The following MYO5B variants were observed in gnomAD, a reference collection of about 807,000 sequenced individuals.
The protein encoded by MYO5B is myosin VB, also known as unconventional myosin-Vb.
Under a neutral mutation model 229.3 loss-of-function variants are expected in MYO5B, and 143 were observed. That is an observed-to-expected ratio of 0.62 (90% CI 0.54 to 0.72). The LOEUF (loss-of-function observed/expected upper bound fraction) is 0.72. Among genes scored for constraint, MYO5B ranks in the 30% least tolerant of loss-of-function variants. MYO5B has a pLI of 0.00. For synonymous variants in MYO5B, 918 were observed against 885.2 expected (o/e 1.04, Z -0.66); for missense variants, 2,321 against 2,331.0 (o/e 1.00, Z 0.09).
intron 33 of MYO5B, 42 bp from the exon 34 acceptor site, chr18:49,843,434 G>C: frequency 1.2e-6 from 2 of 1,609,256 alleles, no homozygotes; most frequent in East Asian, 4.5e-5. Flanking sequence ...TAGATCTATG[G>C]GGGACAATGG....
At chr18:50,133,640 T>C (rs1383764239) in intron 1 of MYO5B, among the ~76,000 whole-genome samples, 1 of 152,194 alleles carries the variant, frequency 6.6e-6, no homozygotes, top group Admixed American at 6.5e-5. Flanking sequence ...TGTCCTGGTA[T>C]ATTACACTCC....
intron 4 of MYO5B, among the ~76,000 whole-genome samples, chr18:50,029,123 T>C (rs1429785899): frequency 5.3e-5 from 8 of 152,196 alleles, no homozygotes. Flanking sequence ...ACAATAAAAC[T>C]AGCAATTTGA....
At chr18:50,062,380 T>C (rs1029115739) in intron 1 of MYO5B, among the ~76,000 whole-genome samples, 4 of 152,100 alleles carry the variant, frequency 2.6e-5, no homozygotes, top group African/African-American at 9.7e-5. Flanking sequence ...ATTCCTGTGA[T>C]TAGGGGACCA....
intron 3 of MYO5B, among the ~76,000 whole-genome samples, chr18:50,038,590 G>A (rs752230361): frequency 1.3e-5 from 2 of 152,060 alleles, no homozygotes; most frequent in Non-Finnish European, 2.9e-5. Flanking sequence ...TCACATTTCC[G>A]TATCATACTC....
chr18:49,865,356 A>T (rs1196815163), intron 27 of MYO5B, among the ~76,000 whole-genome samples: 2 of 152,202 alleles, frequency 1.3e-5, no homozygotes, highest in Non-Finnish European at 2.9e-5. Flanking sequence ...GATTTCCAGA[A>T]GATTTAGAAC....
chr18:49,857,039 T>G, intron 29 of MYO5B, 149 bp from the exon 30 acceptor site: 1 of 709,266 alleles, frequency 1.4e-6, no homozygotes, highest in Non-Finnish European at 2.5e-6. Context: ...CTTCCTCCTC[T>G]CCTGTCACCT....
chr18:49,875,092 T>C (rs1311090498), intron 26 of MYO5B, among the ~76,000 whole-genome samples: 2 of 152,252 alleles, frequency 1.3e-5, no homozygotes. Flanking sequence ...ACTACGTGCC[T>C]GGCACTGGCA....
intron 1 of MYO5B, among the ~76,000 whole-genome samples, chr18:50,124,399 T>G (rs1429452661): frequency 6.6e-6 from 1 of 152,222 alleles, no homozygotes; most frequent in Non-Finnish European, 1.5e-5. Flanking sequence ...ATGCACATGG[T>G]CCCATCACTC....
At chr18:49,836,630 AACC>A in intron 38 of MYO5B, 78 bp downstream of exon 38, 4 of 1,529,210 alleles carry the variant, frequency 2.6e-6, no homozygotes, top group East Asian at 2.3e-5. Context: ...ACTAACAAAT[AACC>A]ACCAACGAGA....
intron 1 of MYO5B, among the ~76,000 whole-genome samples, chr18:50,145,358 G>C (rs1376434158): frequency 6.6e-6 from 1 of 151,640 alleles, no homozygotes; most frequent in Non-Finnish European, 1.5e-5. Context: ...GTGGTGGTGG[G>C]CACCAATAGT....
At chr18:50,077,502 A>AC (rs2031114450) in intron 1 of MYO5B, among the ~76,000 whole-genome samples, 13 of 133,516 alleles carry the variant, frequency 9.7e-5, no homozygotes, top group Non-Finnish European at 1.3e-4. Flanking sequence ...CACACACACA[A>AC]ACACACACAC....
intron 1 of MYO5B, among the ~76,000 whole-genome samples, chr18:50,156,352 C>T (rs776582293): frequency 4.6e-5 from 7 of 152,150 alleles, no homozygotes; most frequent in African/African-American, 2.4e-5. Flanking sequence ...CCCCGTGTTG[C>T]GGGAGGGACC....
At chr18:50,102,742 A>G (rs1341444314) in intron 1 of MYO5B, among the ~76,000 whole-genome samples, 1 of 151,632 alleles carries the variant, frequency 6.6e-6, no homozygotes, top group Non-Finnish European at 1.5e-5. Flanking sequence ...TTAAAAAAAA[A>G]AATCCCCAGT....
intron 2 of MYO5B, among the ~76,000 whole-genome samples, chr18:50,049,259 T>A (rs1042151028): frequency 6.6e-6 from 1 of 152,214 alleles, no homozygotes; most frequent in Admixed American, 6.5e-5. Context: ...ATAATCAGAC[T>A]CTGGCACATA....
At chr18:50,140,010 A>C (rs1356499362) in intron 1 of MYO5B, among the ~76,000 whole-genome samples, 1 of 145,136 alleles carries the variant, frequency 6.9e-6, no homozygotes, top group Admixed American at 6.7e-5. Context: ...TTAAAATTAC[A>C]AACAACCTAG....
chr18:49,908,245 T>A (rs771553676), intron 18 of MYO5B, among the ~76,000 whole-genome samples: 4 of 152,200 alleles, frequency 2.6e-5, no homozygotes, highest in African/African-American at 4.8e-5. Flanking sequence ...GAGACACCCA[T>A]CAGCCTCATC....
chr18:49,906,625 G>A lies in MYO5B; in HGVS notation c.2208C>T (p.Pro736=), dbSNP rs142276366. 152 of 1,613,758 alleles carry A rather than the reference G, an allele frequency of 9.4e-5. No homozygotes were observed. The highest frequency in any genetic ancestry group is 5.3e-4 in the African/African-American group (40 of 75,030). ...TGGTGCGGCCAAACTGGAACTTGTC[G>A]GGGTCCTTTACAAGGTAGGGAGGGG... The part of the protein sequence containing the change: ...RSVLENLIKD[P]DKFQFGRTKI... The change falls in exon 19 of 40, where the codon CCC becomes CCT. Residue 736 remains proline (P), a synonymous_variant. Transcript: ENST00000285039.
intron 4 of MYO5B, among the ~76,000 whole-genome samples, chr18:50,014,667 G>A (rs915954509): frequency 2.6e-5 from 4 of 152,146 alleles, no homozygotes; most frequent in Non-Finnish European, 4.4e-5. Flanking sequence ...GCTGGATGAG[G>A]AGCCCAAAGG....
At chr18:49,994,608 C>T (rs1032835560) in intron 5 of MYO5B, among the ~76,000 whole-genome samples, 3 of 152,188 alleles carry the variant, frequency 2.0e-5, no homozygotes, top group Non-Finnish European at 4.4e-5. Flanking sequence ...AAGGCTAGAG[C>T]CCGGCCAGCC....
Sources: allele counts gnomAD v4.1 joint callset (sites outside exome capture counted in the v4.1 genomes callset), GRCh38; gene constraint gnomAD v4.1.1; transcripts MANE v1.5; gene names NCBI Gene and HGNC (gene_info 2026-07-23, HGNC 2026-07-21).